KCNJ3: variants seen among roughly 807,000 people sequenced by gnomAD.
KCNJ3 encodes the protein G protein-activated inward rectifier potassium channel 1.
In KCNJ3, 4 loss-of-function variants were observed where a neutral mutation model predicts 39.2. That is an observed-to-expected ratio of 0.10 (90% CI 0.05 to 0.23). The LOEUF is 0.23. KCNJ3 is among the 10% of genes least tolerant of loss of function. The pLI, the probability that KCNJ3 is intolerant of heterozygous loss-of-function variation, is 1.00. For synonymous variants in KCNJ3, 230 were observed against 237.4 expected, an observed-to-expected ratio of 0.97 and a Z score of 0.29; for missense variants, 276 against 634.9, an observed-to-expected ratio of 0.43 and a Z score of 6.08.
intron 2 of KCNJ3, among the ~76,000 whole-genome samples, chr2:154,731,812 C>T (rs1200673963): frequency 6.6e-6 from 1 of 151,246 alleles, no homozygotes; most frequent in Non-Finnish European, 1.5e-5. Flanking sequence ...CAGGGTAAGC[C>T]CATGCATTCT....
intron 1 of KCNJ3, among the ~76,000 whole-genome samples, chr2:154,704,836 A>AT (rs145263601): frequency 0.069 from 10,452 of 151,952 alleles, 911 homozygotes; most frequent in African/African-American, 0.2. Flanking sequence ...ATTCCATGTA[A>AT]TTTTTTTTAT....
intron 2 of KCNJ3, among the ~76,000 whole-genome samples, chr2:154,789,832 A>T (rs1220055690): frequency 6.6e-6 from 1 of 152,108 alleles, no homozygotes; most frequent in East Asian, 1.9e-4. Flanking sequence ...GATAATCAAG[A>T]GTTCAAAAAT....
chr2:154,798,618 A>G (rs1215203007), intron 2 of KCNJ3, among the ~76,000 whole-genome samples: 1 of 152,180 alleles, frequency 6.6e-6, no homozygotes, highest in Non-Finnish European at 1.5e-5. Flanking sequence ...GTCTGTGAAT[A>G]TTGAAACCTG....
At chr2:154,833,970 T>C (rs1234221063) in intron 2 of KCNJ3, among the ~76,000 whole-genome samples, 1 of 152,194 alleles carries the variant, frequency 6.6e-6, no homozygotes, top group Non-Finnish European at 1.5e-5. Flanking sequence ...TGGGCAATTA[T>C]AAATAAAGCT....
At chr2:154,838,306 T>A (rs972547925) in intron 2 of KCNJ3, among the ~76,000 whole-genome samples, 20 of 152,260 alleles carry the variant, frequency 1.3e-4, no homozygotes, top group Admixed American at 1.2e-3. Context: ...CAATAATTTA[T>A]GAAAACAAAA....
At chr2:154,847,901 C>T (rs924152328) in intron 2 of KCNJ3, among the ~76,000 whole-genome samples, 1 of 152,108 alleles carries the variant, frequency 6.6e-6, no homozygotes, top group Non-Finnish European at 1.5e-5. Context: ...CTCTCTGCAA[C>T]TGGCCTCTAG....
At chr2:154,800,812 GAGAA>G (rs1686806163) in intron 2 of KCNJ3, among the ~76,000 whole-genome samples, 1 of 152,078 alleles carries the variant, frequency 6.6e-6, no homozygotes, top group African/African-American at 2.4e-5. Context: ...AGTACCTTTA[GAGAA>G]AGAGTCTCCT....
chr2:154,733,248 T>A (rs1370955754), intron 2 of KCNJ3, among the ~76,000 whole-genome samples: 1 of 152,074 alleles, frequency 6.6e-6, no homozygotes, highest in Non-Finnish European at 1.5e-5. Flanking sequence ...AATGCTTTTT[T>A]AAATTAACTT....
At chr2:154,779,537 A>G (rs1677122488) in intron 2 of KCNJ3, among the ~76,000 whole-genome samples, 1 of 146,376 alleles carries the variant, frequency 6.8e-6, no homozygotes, top group South Asian at 2.1e-4. Flanking sequence ...ATATAGTTAT[A>G]TATATATTTA....
chr2:154,753,529 C>A (rs1239567225), intron 2 of KCNJ3, among the ~76,000 whole-genome samples: 1 of 151,954 alleles, frequency 6.6e-6, no homozygotes, highest in Admixed American at 6.6e-5. Flanking sequence ...GTGGAATTAC[C>A]TTTTCTCATG....
Position 154,855,420 on chromosome 2 carries a change from T to C in KCNJ3, c.*107T>C, listed in dbSNP as rs1468044283. 18 of 780,440 alleles carry C rather than the reference T, an allele frequency of 2.3e-5. No individual in the cohort carries two copies. Among genetic ancestry groups the C allele is most frequent in the Non-Finnish European group, 2.4e-5 (12 of 493,612 alleles). 48.3% of individuals were successfully genotyped at this position (780,440 alleles called of 1,614,324 possible). ...ATCTGAAAGTATATTTTCCTCCCAG[T>C]TCTACAAGCATATTTGAGAACCCTT... On this transcript the variant is annotated 3_prime_UTR_variant, in exon 3 of 3. Transcript: ENST00000295101.
At chr2:154,704,869 G>GCA (rs1405941704) in intron 1 of KCNJ3, among the ~76,000 whole-genome samples, 4 of 151,980 alleles carry the variant, frequency 2.6e-5, no homozygotes, top group South Asian at 4.1e-4. Flanking sequence ...TATTCAGCAT[G>GCA]CACACACACA....
chr2:154,778,906 A>C (rs1686385146), intron 2 of KCNJ3, among the ~76,000 whole-genome samples: 1 of 152,078 alleles, frequency 6.6e-6, no homozygotes, highest in Admixed American at 6.6e-5. Context: ...AAAACTTTTT[A>C]CGTTAGCACC....
chr2:154,796,081 T>C (rs912991804), intron 2 of KCNJ3, among the ~76,000 whole-genome samples: 1 of 152,156 alleles, frequency 6.6e-6, no homozygotes. Context: ...ACATGAGTGA[T>C]AGATTAAAAC....
intron 2 of KCNJ3, among the ~76,000 whole-genome samples, chr2:154,718,588 T>G (rs1685218053): frequency 6.6e-6 from 1 of 152,162 alleles, no homozygotes; most frequent in South Asian, 2.1e-4. Context: ...AATTGAGAAG[T>G]TTACTCTATT....
intron 2 of KCNJ3, among the ~76,000 whole-genome samples, chr2:154,850,097 G>C (rs904645813): frequency 2.4e-5 from 3 of 123,630 alleles, no homozygotes; most frequent in Non-Finnish European, 4.7e-5. Context: ...TCCAGTAGCA[G>C]CATCTGTTGC....
intron 2 of KCNJ3, among the ~76,000 whole-genome samples, chr2:154,851,944 A>T (rs1037678572): frequency 7.9e-5 from 12 of 151,988 alleles, no homozygotes; most frequent in African/African-American, 1.9e-4. Context: ...ATGTGAAAAT[A>T]AAAAAAAGCC....
intron 2 of KCNJ3, among the ~76,000 whole-genome samples, chr2:154,761,705 A>G (rs1258989812): frequency 2.0e-5 from 3 of 152,190 alleles, no homozygotes; most frequent in African/African-American, 7.2e-5. Flanking sequence ...TTTTACCATT[A>G]TATGTGAATC....
At chr2:154,852,922 G>A (rs929351778) in intron 2 of KCNJ3, among the ~76,000 whole-genome samples, 5 of 151,822 alleles carry the variant, frequency 3.3e-5, no homozygotes, top group Non-Finnish European at 5.9e-5. Flanking sequence ...TGATAACTGA[G>A]TTCATAACTA....
Sources: gnomAD v4.1 joint callset for allele counts (sites outside exome capture counted in the v4.1 genomes callset) on GRCh38, gnomAD v4.1.1 for gene constraint, MANE v1.5 for transcripts, NCBI Gene and HGNC (gene_info 2026-07-23, HGNC 2026-07-21) for gene names.